Variants in ZMYM5 observed in about 807,000 individuals in gnomAD.
ZMYM5 encodes the protein zinc finger MYM-type protein 5.
In ZMYM5, 41 loss-of-function variants were observed where a neutral mutation model predicts 61.8. The observed-to-expected ratio is 0.66, with a 90% CI of 0.52 to 0.86. The LOEUF (loss-of-function observed/expected upper bound fraction) is 0.86, where lower values mean the gene tolerates loss of function less well. Ranked by LOEUF, ZMYM5 falls within the 40% of genes least tolerant of loss-of-function variation. The pLI, the probability that ZMYM5 is intolerant of heterozygous loss-of-function variation, is 0.00. For synonymous variants in ZMYM5, 257 were observed against 276.4 expected (o/e 0.93, Z 0.70); for missense variants, 706 against 786.7 (o/e 0.90, Z 1.23).
At chr13:19,863,342 G>A (rs1189851960) in intron 1 of ZMYM5, 108 bp downstream of exon 1, 1 of 151,992 alleles carries the variant, frequency 6.6e-6, no homozygotes, top group African/African-American at 2.4e-5. Flanking sequence ...AGCTGCCCTC[G>A]AGGCCCCGAA....
rs1445876220 is a variant in ZMYM5 at position 19,851,762 on chromosome 13, TC to T, written c.418del (p.Glu140AsnfsTer30). 1.2e-6 allele frequency: 2 copies of T among 1,601,524 alleles called. No homozygotes were observed. Among genetic ancestry groups the T allele is most frequent in the Non-Finnish European group, 1.7e-6 (2 of 1,177,076 alleles). On this transcript the variant is annotated frameshift_variant, in exon 3 of 8. Coordinates refer to ENST00000337963, the MANE Select transcript of ZMYM5 (RefSeq NM_001142684.2). LOFTEE classifies it high-confidence loss of function. ...GTTTTTAGTTCCAGGAAGTCCCCATTCGATAAAACAGGAAGACTTTTTCTCT... is the reference window on the plus strand; with the variant it reads ...GTTTTTAGTTCCAGGAAGTCCCCATTGATAAAACAGGAAGACTTTTTCTCT... Reference protein sequence around the residue: ...GAEKKSSCFIEWGLPGTKNKT... With the variant: ...GAEKKSSCFIXWGLPGTKNKT...
At chr13:19,828,829 C>T (rs1438329520) in intron 7 of ZMYM5, among the ~76,000 whole-genome samples, 1 of 152,146 alleles carries the variant, frequency 6.6e-6, no homozygotes, top group Non-Finnish European at 1.5e-5. Context: ...GCTTCATTTA[C>T]TGATATGGGA....
chr13:19,830,529 C>T (rs973608488), intron 7 of ZMYM5, among the ~76,000 whole-genome samples: 2 of 152,088 alleles, frequency 1.3e-5, no homozygotes, highest in African/African-American at 4.8e-5. Flanking sequence ...TATGAACCAC[C>T]ATGCCTGGCT....
Position 19,851,833 on chromosome 13 carries a change from T to G in ZMYM5, c.348A>C (p.Thr116=), listed in dbSNP as rs760586910. 6.2e-7 allele frequency: 1 copy of G among 1,612,808 alleles called. No individual in the cohort carries two copies. Among genetic ancestry groups the G allele is most frequent in the South Asian group, 1.1e-5 (1 of 90,522 alleles). ...TGTCCTCTTCATCATCAATAACAAT[T>G]GTCTCACTTATATTTCCTTTCTGAG... ...LASQKGNISE[T]IVIDDEEDIE... The change falls in exon 3 of 8, where the codon ACA becomes ACC. Residue 116 remains threonine, a synonymous_variant. Transcript: ENST00000337963.
chr13:19,827,173 G>T (rs1245751680), intron 7 of ZMYM5, among the ~76,000 whole-genome samples: 1 of 152,094 alleles, frequency 6.6e-6, no homozygotes, highest in Non-Finnish European at 1.5e-5. Flanking sequence ...TTTAGGGCAT[G>T]TTAATTACAT....
chr13:19,850,950 TG>T (rs1295653803), intron 4 of ZMYM5, among the ~76,000 whole-genome samples: 9 of 152,238 alleles, frequency 5.9e-5, no homozygotes, highest in Non-Finnish European at 1.3e-4. Flanking sequence ...GGCTCACGCC[TG>T]TAATTCCAAC....
At chr13:19,851,322 C>T (rs1953285201) in intron 4 of ZMYM5, 33 bp downstream of exon 4, 1 of 1,558,026 alleles carries the variant, frequency 6.4e-7, no homozygotes, top group South Asian at 1.1e-5. Context: ...GGCTTATTTA[C>T]TTGAGGTAGA....
At chr13:19,852,868 G>GACA (rs1953365453) in intron 2 of ZMYM5, among the ~76,000 whole-genome samples, 1 of 152,184 alleles carries the variant, frequency 6.6e-6, no homozygotes, top group Non-Finnish European at 1.5e-5. Flanking sequence ...TTTCTTTTGA[G>GACA]AGAGGGTCTG....
chr13:19,831,643 T>C (rs1891220640), intron 7 of ZMYM5, among the ~76,000 whole-genome samples: 1 of 150,882 alleles, frequency 6.6e-6, no homozygotes, highest in Non-Finnish European at 1.5e-5. Context: ...CTACCAAAAA[T>C]ACAAAAATTA....
chr13:19,837,571 G>A lies in ZMYM5; in HGVS notation c.1038+85C>T, dbSNP rs945570826. 5 of 1,608,884 alleles carry A rather than the reference G, an allele frequency of 3.1e-6. No homozygotes were observed. In the African/African-American group the frequency reaches 6.7e-5, roughly 22 times the overall value. ...TATACATCCAGAACACGTGCATTAT[G>A]TAGATGAAAGAGTACATAATAGCAC... is the stretch of plus-strand genomic sequence containing the variant. On this transcript the variant is annotated intron_variant, in intron 6 of 7. Transcript: ENST00000337963.
intron 2 of ZMYM5, among the ~76,000 whole-genome samples, chr13:19,859,388 GTTTT>G (rs893697564): frequency 1.3e-5 from 2 of 151,918 alleles, no homozygotes; most frequent in Non-Finnish European, 2.9e-5. Context: ...TTTAGTTCCC[GTTTT>G]TTGTTTGTTT....
Position 19,824,423 on chromosome 13 carries a change from T to A in ZMYM5, c.*54A>T, listed in dbSNP as rs927905768. 1.6e-6 allele frequency: 2 copies of A among 1,249,210 alleles called. No homozygotes were observed. The highest frequency in any genetic ancestry group is 1.5e-5 in the South Asian group (1 of 64,668). The allele number at this position is 1,249,210 out of a possible 1,614,324, so 77.4% of individuals were successfully genotyped here. A position where few individuals can be genotyped will look rare whatever the true frequency, so the allele number is the denominator to read the frequency against. On this transcript the variant is annotated 3_prime_UTR_variant, in exon 8 of 8. Transcript: ENST00000337963. ...AGTACTGACTATTGCAGGACAGATG[T>A]TTTCTGAGTAATGTAAGATTCTGAT... is the stretch of plus-strand genomic sequence containing the variant.
intron 5 of ZMYM5, 118 bp downstream of exon 5, chr13:19,838,582 G>C: frequency 7.8e-7 from 1 of 1,290,222 alleles, no homozygotes. Context: ...CAATAAACTT[G>C]AAGACACTCC....
intron 7 of ZMYM5, among the ~76,000 whole-genome samples, chr13:19,827,319 A>G (rs1890962595): frequency 6.6e-6 from 1 of 152,186 alleles, no homozygotes; most frequent in African/African-American, 2.4e-5. Flanking sequence ...AGAGAGCTCT[A>G]ATTCAGGTAT....
chr13:19,824,974 C>T lies in ZMYM5; in HGVS notation c.1513G>A (p.Glu505Lys). Residue 505 changes from glutamate to lysine, a missense_variant, in exon 8 of 8, where the codon GAA becomes AAA. Glu to Lys is a moderately conservative substitution (Grantham distance 56). Coordinates refer to ENST00000337963, the MANE Select transcript of ZMYM5 (RefSeq NM_001142684.2). ...ATGGAGTCTTCAAAATTTTTCTCTT[C>T]CAGTTGCTCTTGAAATGTATCAGCT... ...TIADTFQEQLEEKNFEDSIVP... is the reference protein window; with the variant it reads ...TIADTFQEQLKEKNFEDSIVP... The T allele has an allele frequency of 7.3e-7, 1 of 1,366,720 alleles. No individual in the cohort carries two copies. The highest frequency in any genetic ancestry group is 9.8e-7 in the Non-Finnish European group (1 of 1,021,444). 84.7% of individuals were successfully genotyped at this position (1,366,720 alleles called of 1,614,324 possible).
intron 7 of ZMYM5, among the ~76,000 whole-genome samples, chr13:19,833,076 A>G (rs1470581453): frequency 1.3e-5 from 2 of 152,118 alleles, no homozygotes; most frequent in African/African-American, 4.8e-5. Context: ...TATAAACCAA[A>G]AGCTTTCTTA....
Position 19,851,405 on chromosome 13 carries a change from A to G in ZMYM5, c.536T>C (p.Val179Ala), listed in dbSNP as rs368704663. 3 of 1,614,178 alleles carry G rather than the reference A, an allele frequency of 1.9e-6. No homozygotes were observed. Among genetic ancestry groups the G allele is most frequent in the Middle Eastern group, 1.7e-4 (1 of 6,060 alleles). Residue 179 changes from valine (V) to alanine (A), a missense_variant, in exon 4 of 8, where the codon GTG becomes GCG. Around this residue, in one of 2 missense-constraint regions of ZMYM5, gnomAD observed 480 missense variants for 461.7 expected, o/e 1.04. Coordinates refer to ENST00000337963, the MANE Select transcript of ZMYM5 (RefSeq NM_001142684.2). The part of the protein sequence containing the change: ...VRPFNPGRMN[V>A]AGDLFQNGEF... ...TCCATTCTGAAATAAGTCTCCTGCC[A>G]CATTCATTCTACCAGGGTTAAAAGG...
Position 19,856,029 on chromosome 13 carries a change from A to C in ZMYM5, c.-10-3839T>G, listed in dbSNP as rs567029455. ...CGAGATTCCATCTCAAAAACAAAAA[A>C]AAAACAAAAAACAAACAAACAACAA... On this transcript the variant is annotated intron_variant, in intron 2 of 7. Coordinates refer to ENST00000337963, the MANE Select transcript of ZMYM5 (RefSeq NM_001142684.2). 3.3e-5 allele frequency among the ~76,000 whole-genome samples: 5 copies of C among 152,110 alleles called. No individual in the cohort carries two copies. In the East Asian group the frequency reaches 9.7e-4, roughly 30 times the overall value.
intron 5 of ZMYM5, among the ~76,000 whole-genome samples, chr13:19,838,263 A>C (rs1952738932): frequency 6.6e-6 from 1 of 152,174 alleles, no homozygotes; most frequent in South Asian, 2.1e-4. Flanking sequence ...CTGTAATCCC[A>C]GCTACTCGGG....
Sources: allele counts gnomAD v4.1 joint callset (sites outside exome capture counted in the v4.1 genomes callset), GRCh38; gene constraint gnomAD v4.1.1; regional missense constraint gnomAD v4.1.1; transcripts MANE v1.5; gene names NCBI Gene and HGNC (gene_info 2026-07-23, HGNC 2026-07-21).